Variants in MMP26 observed in about 807,000 individuals in gnomAD.
MMP26 encodes the protein matrix metallopeptidase 26.
In MMP26, 33 loss-of-function variants were observed where a neutral mutation model predicts 31.0. The ratio of observed to expected loss-of-function variants is 1.06; its 90% CI spans 0.81 to 1.42. The LOEUF (loss-of-function observed/expected upper bound fraction) is 1.42, where lower values mean the gene tolerates loss of function less well. Ranked by LOEUF, MMP26 falls within the 40% of genes most tolerant of loss-of-function variation. The pLI, the probability that MMP26 is intolerant of heterozygous loss-of-function variation, is 0.00. For synonymous variants in MMP26, 122 were observed against 114.9 expected, an observed-to-expected ratio of 1.06 and a Z score of -0.40; for missense variants, 347 against 316.1, an observed-to-expected ratio of 1.10 and a Z score of -0.74.
At chr11:4,804,328 A>T (rs1278917016) in intron 2 of MMP26, 2 of 1,614,076 alleles carry the variant, frequency 1.2e-6, no homozygotes, top group African/African-American at 2.7e-5. Context: ...TGGGATTCCA[A>T]GCAGGATGAA....
intron 1 of MMP26, chr11:4,723,066 AC>A: frequency 8.3e-7 from 1 of 1,204,604 alleles, no homozygotes. Context: ...AGCTCCTGGT[AC>A]CCATGCAGCT....
intron 1 of MMP26, chr11:4,712,322 C>G (rs901107448): frequency 2.0e-5 from 3 of 152,094 alleles, no homozygotes; most frequent in African/African-American, 7.2e-5. Context: ...TTTTTACTTA[C>G]AAACTGTGTA....
intron 2 of MMP26, chr11:4,803,509 T>A (rs912305048): frequency 2.5e-6 from 4 of 1,613,796 alleles, no homozygotes; most frequent in Admixed American, 1.7e-5. Flanking sequence ...AATGATGGGG[T>A]TGAGCATGGG....
chr11:4,775,340 C>T (rs1275690088), intron 2 of MMP26, among the ~76,000 whole-genome samples: 1 of 152,142 alleles, frequency 6.6e-6, no homozygotes, highest in Non-Finnish European at 1.5e-5. Flanking sequence ...AGAGGTCTTT[C>T]ACTTCCCTTG....
At chr11:4,775,202 A>G (rs35466049) in intron 2 of MMP26, among the ~76,000 whole-genome samples, 4 of 152,180 alleles carry the variant, frequency 2.6e-5, no homozygotes, top group Non-Finnish European at 4.4e-5. Context: ...CATTGAATCT[A>G]TAAATTACTT....
At chr11:4,947,859 G>A (rs1340276437) in intron 2 of MMP26, among the ~76,000 whole-genome samples, 3 of 125,020 alleles carry the variant, frequency 2.4e-5, no homozygotes, top group African/African-American at 8.2e-5. Flanking sequence ...TAATTGCCTG[G>A]TATTAGATAG....
intron 2 of MMP26, among the ~76,000 whole-genome samples, chr11:4,987,358 G>A (rs1009234229): frequency 1.3e-5 from 2 of 151,748 alleles, no homozygotes; most frequent in Non-Finnish European, 2.9e-5. Context: ...TGTTTTTCTA[G>A]ATCTCTTTTA....
At chr11:4,848,149 A>G in intron 2 of MMP26, 1 of 1,373,448 alleles carries the variant, frequency 7.3e-7, no homozygotes, top group South Asian at 1.4e-5. Flanking sequence ...GTGTACGTGA[A>G]TGATCATTTC....
intron 2 of MMP26, among the ~76,000 whole-genome samples, chr11:4,981,067 A>C (rs1359906363): frequency 6.6e-6 from 1 of 152,100 alleles, no homozygotes; most frequent in Non-Finnish European, 1.5e-5. Context: ...TACTGGAAAA[A>C]CTTATAAAAG....
intron 2 of MMP26, among the ~76,000 whole-genome samples, chr11:4,862,469 T>A (rs1386801059): frequency 6.6e-6 from 1 of 152,182 alleles, no homozygotes; most frequent in Admixed American, 6.5e-5. Flanking sequence ...TCTGTTCTGA[T>A]CTTCTGCAGA....
At chr11:4,887,475 A>G (rs1334132667) in intron 2 of MMP26, among the ~76,000 whole-genome samples, 1 of 152,160 alleles carries the variant, frequency 6.6e-6, no homozygotes, top group Admixed American at 6.5e-5. Flanking sequence ...GTTGAGGAGA[A>G]AAACTAAAAA....
chr11:4,986,905 T>TTCTCTCTCTC (rs71050445), intron 2 of MMP26, among the ~76,000 whole-genome samples: 501 of 48,550 alleles, frequency 0.01, 29 homozygotes, highest in Non-Finnish European at 0.015. Context: ...CTTCCTTCCT[T>TTCTCTCTCTC]TCTCTCTCTC....
chr11:4,790,113 A>G (rs10768239), intron 2 of MMP26, among the ~76,000 whole-genome samples: 148,799 of 152,142 alleles, frequency 0.98, 72,956 homozygotes, highest in African/African-American at 1. Flanking sequence ...AGGCCAACGC[A>G]GGCCGATCAC....
chr11:4,939,320 T>C (rs1289366776), intron 2 of MMP26, among the ~76,000 whole-genome samples: 2 of 152,186 alleles, frequency 1.3e-5, no homozygotes, highest in Non-Finnish European at 2.9e-5. Flanking sequence ...TTCTTCAGGC[T>C]ACACTTCACT....
chr11:4,875,224 A>G (rs1850363695), intron 2 of MMP26: 1 of 152,090 alleles, frequency 6.6e-6, no homozygotes, highest in Non-Finnish European at 1.5e-5. Context: ...GAGAAATCTA[A>G]TTGCATGGAA....
intron 2 of MMP26, among the ~76,000 whole-genome samples, chr11:4,838,570 GTA>G (rs1849752842): frequency 6.6e-6 from 1 of 151,864 alleles, no homozygotes; most frequent in Non-Finnish European, 1.5e-5. Context: ...ATACTCACTC[GTA>G]GAAAACAGTT....
At chr11:4,811,432 A>G (rs1849348584) in intron 2 of MMP26, among the ~76,000 whole-genome samples, 1 of 152,052 alleles carries the variant, frequency 6.6e-6, no homozygotes, top group African/African-American at 2.4e-5. Flanking sequence ...TTTAGCTTTC[A>G]CTTGTAAATG....
intron 2 of MMP26, chr11:4,946,024 T>C: frequency 1.2e-6 from 1 of 813,380 alleles, no homozygotes; most frequent in Non-Finnish European, 2.0e-6. Flanking sequence ...ATTCGCAGTA[T>C]CCAGAGTGAA....
At position 4,742,750 on chromosome 11, in the gene MMP26, A is replaced by G. The variant is rs146705573; in HGVS notation, c.-216-24520A>G. 1.4e-3 allele frequency among the ~76,000 whole-genome samples: 218 copies of G among 152,302 alleles called. 1 individual carries two copies. Among genetic ancestry groups the G allele is most frequent in the African/African-American group, 4.9e-3 (203 of 41,572 alleles). ...ACTTAGAATATTGCCGATGCTCTTT[A>G]TTCATTGGTAAATTGGAGATGATAA... On this transcript the variant is annotated intron_variant, in intron 1 of 7. Transcript: ENST00000380390.
Sources: gnomAD v4.1 joint callset for allele counts (sites outside exome capture counted in the v4.1 genomes callset) on GRCh38, gnomAD v4.1.1 for gene constraint, MANE v1.5 for transcripts, NCBI Gene and HGNC (gene_info 2026-07-23, HGNC 2026-07-21) for gene names.